The following MGAT4C variants were observed in gnomAD, a reference collection of about 807,000 sequenced individuals.
MGAT4C encodes alpha-1,3-mannosyl-glycoprotein 4-beta-N-acetylglucosaminyltransferase C.
MGAT4C carries 19 observed loss-of-function variants against 40.1 expected under a neutral mutation model. That is an observed-to-expected ratio of 0.47 (90% CI 0.33 to 0.70). MGAT4C has a LOEUF of 0.70. MGAT4C is among the 30% of genes least tolerant of loss of function. MGAT4C has a pLI of 0.02. For synonymous variants in MGAT4C, 181 were observed against 187.1 expected (o/e 0.97, Z 0.27); for missense variants, 491 against 563.2 (o/e 0.87, Z 1.30).
In MGAT4C at chr12:86,616,848, T is replaced by C. The variant is rs533029079; in HGVS notation, c.-229+110361A>G. On this transcript the variant is annotated intron_variant, in intron 2 of 7. Transcript: ENST00000548651. ...ATCAATCTTTTGATATTGCAAACCA[T>C]TTAGACAGGGGAATAAATGTTTAGA... Among the ~76,000 whole-genome samples, 4 of 152,194 alleles carry C rather than the reference T, an allele frequency of 2.6e-5. No individual in the cohort carries two copies. In the South Asian group the frequency reaches 8.3e-4, roughly 32 times the overall value.
intron 2 of MGAT4C, among the ~76,000 whole-genome samples, chr12:86,646,899 G>A (rs958902434): frequency 6.6e-6 from 1 of 151,942 alleles, no homozygotes; most frequent in African/African-American, 2.4e-5. Flanking sequence ...GAATGATCAA[G>A]CCAGGCTAAA....
intron 2 of MGAT4C, among the ~76,000 whole-genome samples, chr12:86,721,988 G>C (rs1318131346): frequency 1.3e-5 from 2 of 151,930 alleles, no homozygotes; most frequent in African/African-American, 4.8e-5. Flanking sequence ...TATTTCCCTG[G>C]TGTTGCTAAA....
intron 1 of MGAT4C, among the ~76,000 whole-genome samples, chr12:86,829,447 T>G (rs560311515): frequency 1.3e-5 from 2 of 151,658 alleles, no homozygotes; most frequent in South Asian, 2.1e-4. Flanking sequence ...TTCAAGTAAA[T>G]CTAAAGCTAA....
At chr12:86,007,753 T>C (rs538359010) in intron 2 of MGAT4C, among the ~76,000 whole-genome samples, 1 of 152,212 alleles carries the variant, frequency 6.6e-6, no homozygotes, top group African/African-American at 2.4e-5. Context: ...AGTTCATTAA[T>C]TTTTTATGGT....
chr12:86,355,213 C>A (rs1369331345), intron 3 of MGAT4C, among the ~76,000 whole-genome samples: 1 of 152,084 alleles, frequency 6.6e-6, no homozygotes, highest in Non-Finnish European at 1.5e-5. Flanking sequence ...TAGCTACAGA[C>A]CACTGATTGG....
chr12:86,592,888 C>A (rs1169960845), intron 2 of MGAT4C, among the ~76,000 whole-genome samples: 1 of 152,200 alleles, frequency 6.6e-6, no homozygotes, highest in South Asian at 2.1e-4. Context: ...CAACATTTAC[C>A]TTTATTGTCT....
intron 1 of MGAT4C, among the ~76,000 whole-genome samples, chr12:86,166,474 C>T (rs1593123142): frequency 6.6e-6 from 1 of 152,166 alleles, no homozygotes; most frequent in African/African-American, 2.4e-5. Context: ...GAATTTGAGA[C>T]CAGCCTGGCC....
intron 1 of MGAT4C, among the ~76,000 whole-genome samples, chr12:86,757,035 A>C (rs1295895886): frequency 6.6e-6 from 1 of 152,204 alleles, no homozygotes; most frequent in East Asian, 1.9e-4. Flanking sequence ...AATTACAGCC[A>C]TAAAAAACTG....
chr12:86,630,769 G>T (rs1347124370), intron 2 of MGAT4C, among the ~76,000 whole-genome samples: 1 of 151,956 alleles, frequency 6.6e-6, no homozygotes, highest in African/African-American at 2.4e-5. Context: ...AATAAGAACT[G>T]CTTATGACAA....
At chr12:86,355,106 A>G (rs142787601) in intron 3 of MGAT4C, among the ~76,000 whole-genome samples, 1 of 152,118 alleles carries the variant, frequency 6.6e-6, no homozygotes, top group Non-Finnish European at 1.5e-5. Context: ...TTTACAGAGC[A>G]CTGATTGGTG....
At chr12:86,385,179 A>G (rs1956027587) in intron 3 of MGAT4C, among the ~76,000 whole-genome samples, 1 of 152,192 alleles carries the variant, frequency 6.6e-6, no homozygotes, top group Admixed American at 6.5e-5. Context: ...AATCTGACTG[A>G]GTTACATAAT....
rs75430250 is a variant in MGAT4C, at chr12:86,416,727, G to A, written c.-120+18430C>T. ...AAGAAGTTGTGAAAAATTAGGAAAA[G>A]GACTAAACAAGATACAACATGCTCA... On this transcript the variant is annotated intron_variant, in intron 3 of 7. Transcript: ENST00000548651. Among the ~76,000 whole-genome samples the A allele has an allele frequency of 7.9e-3, 1,201 of 152,062 alleles. 24 individuals carry two copies. The highest frequency in any genetic ancestry group is 0.06 in the East Asian group (310 of 5,166).
chr12:86,151,860 A>G (rs987715809), intron 1 of MGAT4C, among the ~76,000 whole-genome samples: 1 of 152,208 alleles, frequency 6.6e-6, no homozygotes, highest in East Asian at 1.9e-4. Context: ...CGTTGTTCCT[A>G]TCACTAAGGC....
chr12:86,711,565 GT>G (rs1278777874), intron 2 of MGAT4C, among the ~76,000 whole-genome samples: 17 of 151,882 alleles, frequency 1.1e-4, no homozygotes, highest in African/African-American at 3.6e-4. Flanking sequence ...TTCTTATATT[GT>G]TTTTTCTTTT....
intron 3 of MGAT4C, among the ~76,000 whole-genome samples, chr12:86,359,811 C>T (rs1381697370): frequency 6.6e-6 from 1 of 152,154 alleles, no homozygotes; most frequent in Non-Finnish European, 1.5e-5. Flanking sequence ...AGACCAATAA[C>T]AGGCTCTGAA....
In MGAT4C at chr12:86,205,950, CA is replaced by C. The variant is rs58201797; in HGVS notation, c.-57+50288del. Among the ~76,000 whole-genome samples, 3,371 of 149,140 alleles carry C rather than the reference CA, an allele frequency of 0.023. 211 individuals carry two copies. The East Asian group carries it at 0.24, about 11-fold the overall frequency. On this transcript the variant is annotated intron_variant, in intron 1 of 4. Transcript: ENST00000611864. The stretch of plus-strand genomic sequence containing the variant: ...TGTGTTCTATTCAGCATGCTTCCAC[CA>C]AAAAAAAAAAAAAATTAAGCAATTA...
At chr12:86,606,061 G>C (rs1276963666) in intron 2 of MGAT4C, among the ~76,000 whole-genome samples, 1 of 152,112 alleles carries the variant, frequency 6.6e-6, no homozygotes, top group African/African-American at 2.4e-5. Context: ...GAAGTGCTAA[G>C]TGAAGGGGAA....
In MGAT4C at chr12:86,085,697, A is replaced by G. The variant is rs192912538; in HGVS notation, c.-56-35974T>C. 2.5e-3 allele frequency among the ~76,000 whole-genome samples: 380 copies of G among 152,268 alleles called. 2 individuals carry two copies. Among genetic ancestry groups the G allele is most frequent in the Non-Finnish European group, 4.0e-3 (271 of 68,004 alleles). ...GGAACTTAAACAAATTTACAAGAAA[A>G]AAACAAACAACCATATTAAAAGGTG... On this transcript the variant is annotated intron_variant, in intron 1 of 4. Transcript: ENST00000611864.
chr12:86,265,390 A>G (rs898275582), intron 4 of MGAT4C, among the ~76,000 whole-genome samples: 2 of 152,166 alleles, frequency 1.3e-5, no homozygotes, highest in African/African-American at 4.8e-5. Context: ...TGGCCATTCA[A>G]TCTTCCCACC....
Sources: allele counts gnomAD v4.1 joint callset (sites outside exome capture counted in the v4.1 genomes callset), GRCh38; gene constraint gnomAD v4.1.1; transcripts MANE v1.5; gene names NCBI Gene and HGNC (gene_info 2026-07-23, HGNC 2026-07-21).